Variants in NKAIN3 observed in about 807,000 individuals in gnomAD.
The protein encoded by NKAIN3 is sodium/potassium transporting ATPase interacting 3, also known as sodium/potassium-transporting ATPase subunit beta-1-interacting protein 3.
In NKAIN3, 25 loss-of-function variants were observed where a neutral mutation model predicts 30.2. The ratio of observed to expected loss-of-function variants is 0.83; its 90% CI spans 0.60 to 1.16. The LOEUF (loss-of-function observed/expected upper bound fraction) is 1.16. Ranked by LOEUF, NKAIN3 falls within the 50% of genes most tolerant of loss-of-function variation. The pLI is 0.00. For missense variants in NKAIN3, 225 were observed against 254.1 expected (o/e 0.89, Z 0.78); for synonymous variants, 91 against 89.6 (o/e 1.02, Z -0.09).
At chr8:62,357,507 T>G (rs1273318229) in intron 1 of NKAIN3, among the ~76,000 whole-genome samples, 1 of 152,198 alleles carries the variant, frequency 6.6e-6, no homozygotes, top group African/African-American at 2.4e-5. Flanking sequence ...ATTTGCATAG[T>G]AAGGCCTTAT....
rs1444146617 is a variant in NKAIN3, at chr8:62,983,906, C to T, written c.*18499C>T. 1 of 152,162 alleles carries T rather than the reference C, an allele frequency of 6.6e-6. No individual in the cohort carries two copies. The highest frequency in any genetic ancestry group is 2.1e-4 in the South Asian group (1 of 4,828). 9.4% of individuals were successfully genotyped at this position (152,162 alleles called of 1,614,324 possible). A position where few individuals can be genotyped will look rare whatever the true frequency, so the allele number is the denominator to read the frequency against. On this transcript the variant is annotated 3_prime_UTR_variant, in exon 7 of 7. Transcript: ENST00000623646. ...ATTTTCTTGTTACATGTGTGGTGAT[C>T]TGAGAATGGTGACTTTGGACCCAGT... is the stretch of plus-strand genomic sequence containing the variant.
At chr8:62,412,910 A>AT (rs1804297443) in intron 1 of NKAIN3, among the ~76,000 whole-genome samples, 1 of 4,578 alleles carries the variant, frequency 2.2e-4, no homozygotes. Context: ...AGACTCCGTC[A>AT]AAAAAAAAAA....
At position 62,966,134 on chromosome 8, in the gene NKAIN3, C is replaced by G. The variant is rs1445193822; in HGVS notation, c.*727C>G. Reference sequence around the variant, plus strand: ...TGGGTGTCTCTGAGGTCCATATTTTCTACTCATTATTCCATTCCTGACACT... The same window carrying G: ...TGGGTGTCTCTGAGGTCCATATTTTGTACTCATTATTCCATTCCTGACACT... On this transcript the variant is annotated 3_prime_UTR_variant, in exon 7 of 7. Transcript: ENST00000623646. 3.0e-6 allele frequency: 3 copies of G among 985,116 alleles called. No homozygotes were observed. Among genetic ancestry groups the G allele is most frequent in the Non-Finnish European group, 3.6e-6 (3 of 829,840 alleles). 61.0% of individuals were successfully genotyped at this position (985,116 alleles called of 1,614,324 possible). A position where few individuals can be genotyped will look rare whatever the true frequency, so the allele number is the denominator to read the frequency against.
At chr8:62,935,420 A>G (rs1279699654) in intron 5 of NKAIN3, among the ~76,000 whole-genome samples, 1 of 152,142 alleles carries the variant, frequency 6.6e-6, no homozygotes. Flanking sequence ...ACCTTGTATA[A>G]GGTAATGACA....
chr8:62,366,393 A>T (rs562280540), intron 1 of NKAIN3, among the ~76,000 whole-genome samples: 1 of 151,966 alleles, frequency 6.6e-6, no homozygotes, highest in Non-Finnish European at 1.5e-5. Context: ...TAGTTGATTA[A>T]TTTTTGTATT....
intron 3 of NKAIN3, among the ~76,000 whole-genome samples, chr8:62,640,257 T>A (rs1183136335): frequency 6.6e-6 from 1 of 151,984 alleles, no homozygotes; most frequent in East Asian, 1.9e-4. Context: ...TAGTGGGAGG[T>A]GATAGGATCA....
chr8:62,408,628 G>A (rs1585774809), intron 1 of NKAIN3, among the ~76,000 whole-genome samples: 2 of 152,044 alleles, frequency 1.3e-5, no homozygotes, highest in Non-Finnish European at 2.9e-5. Flanking sequence ...GAGGTGATTC[G>A]TGTCTGGCAG....
At chr8:62,786,518 T>C (rs1415141488) in intron 4 of NKAIN3, among the ~76,000 whole-genome samples, 2 of 151,846 alleles carry the variant, frequency 1.3e-5, no homozygotes, top group Non-Finnish European at 2.9e-5. Flanking sequence ...TTGAATTACC[T>C]AGCAAAGTTG....
intron 4 of NKAIN3, among the ~76,000 whole-genome samples, chr8:62,890,750 G>A (rs970779971): frequency 2.0e-5 from 3 of 152,188 alleles, no homozygotes; most frequent in Non-Finnish European, 4.4e-5. Context: ...TACCCTCTCT[G>A]CAGGCTTGCC....
chr8:62,787,850 G>C (rs1176709863), intron 4 of NKAIN3, among the ~76,000 whole-genome samples: 13,296 of 150,942 alleles, frequency 0.088, 623 homozygotes, highest in African/African-American at 0.099. Flanking sequence ...CCCTACAAAG[G>C]ATGGGAACTC....
At chr8:62,302,581 A>G (rs1439670772) in intron 1 of NKAIN3, among the ~76,000 whole-genome samples, 1 of 152,078 alleles carries the variant, frequency 6.6e-6, no homozygotes, top group African/African-American at 2.4e-5. Flanking sequence ...GAGGGATGTC[A>G]ATATACTTGT....
intron 1 of NKAIN3, among the ~76,000 whole-genome samples, chr8:62,501,421 ATTC>A (rs1462754411): frequency 1.3e-5 from 2 of 152,180 alleles, no homozygotes; most frequent in South Asian, 2.1e-4. Flanking sequence ...CAGGGCTGGT[ATTC>A]TTCTGCTATG....
At chr8:62,847,132 G>C (rs1244242780) in intron 4 of NKAIN3, among the ~76,000 whole-genome samples, 1 of 152,094 alleles carries the variant, frequency 6.6e-6, no homozygotes, top group Non-Finnish European at 1.5e-5. Context: ...GTTGTGAATG[G>C]TGCTGCAATG....
Position 62,816,847 on chromosome 8 carries a change from C to T in NKAIN3, c.471+69718C>T, listed in dbSNP as rs184678727. ...TGCTGTAGCAACTGTGTCAGAAATCCCACAGAATTTTCTCCCTGGAAAGAT... is the reference window on the plus strand; with the variant it reads ...TGCTGTAGCAACTGTGTCAGAAATCTCACAGAATTTTCTCCCTGGAAAGAT... On this transcript the variant is annotated intron_variant, in intron 4 of 6. Coordinates refer to ENST00000623646, the MANE Select transcript of NKAIN3 (RefSeq NM_001304533.3). Among the ~76,000 whole-genome samples, 570 of 152,212 alleles carry T rather than the reference C, an allele frequency of 3.7e-3. 2 individuals carry two copies. The highest frequency in any genetic ancestry group is 0.01 in the Middle Eastern group (3 of 294).
At chr8:62,357,563 A>T (rs1334657999) in intron 1 of NKAIN3, among the ~76,000 whole-genome samples, 1 of 152,170 alleles carries the variant, frequency 6.6e-6, no homozygotes, top group Admixed American at 6.5e-5. Flanking sequence ...CAAAAATGTG[A>T]TATTCCTAAA....
intron 3 of NKAIN3, among the ~76,000 whole-genome samples, chr8:62,649,167 T>C (rs1812554283): frequency 6.6e-6 from 1 of 152,214 alleles, no homozygotes; most frequent in Admixed American, 6.5e-5. Context: ...CAGTGTCAAA[T>C]GTTTCTTTCA....
intron 4 of NKAIN3, among the ~76,000 whole-genome samples, chr8:62,826,071 C>T (rs1220502900): frequency 2.6e-5 from 4 of 152,206 alleles, no homozygotes; most frequent in Admixed American, 1.3e-4. Context: ...CATCGAGTCA[C>T]GTACTCTACA....
intron 3 of NKAIN3, among the ~76,000 whole-genome samples, chr8:62,701,008 G>T (rs1814314387): frequency 6.6e-6 from 1 of 152,114 alleles, no homozygotes; most frequent in Non-Finnish European, 1.5e-5. Flanking sequence ...TACATAGCTA[G>T]TCTTTTCTCT....
intron 4 of NKAIN3, among the ~76,000 whole-genome samples, chr8:62,900,275 C>T (rs1821570075): frequency 6.6e-6 from 1 of 152,050 alleles, no homozygotes; most frequent in African/African-American, 2.4e-5. Flanking sequence ...AAAGCTTAAG[C>T]CACCATTTAA....
Sources: gnomAD v4.1 joint callset for allele counts (sites outside exome capture counted in the v4.1 genomes callset) on GRCh38, gnomAD v4.1.1 for gene constraint, MANE v1.5 for transcripts, NCBI Gene and HGNC (gene_info 2026-07-23, HGNC 2026-07-21) for gene names.